Variants in PPFIA2 observed in about 807,000 individuals in gnomAD.
PPFIA2 encodes liprin-alpha-2.
PPFIA2 carries 46 observed loss-of-function variants against 175.5 expected under a neutral mutation model. That is an observed-to-expected ratio of 0.26 (90% CI 0.21 to 0.34). The LOEUF (loss-of-function observed/expected upper bound fraction) is 0.34. Ranked by LOEUF, PPFIA2 falls within the 10% of genes least tolerant of loss-of-function variation. The probability of loss-of-function intolerance (pLI) is 1.00; values close to 1 mark genes in which losing one functional copy is unlikely to be tolerated. For synonymous variants in PPFIA2, 568 were observed against 511.4 expected (o/e 1.11, Z -1.49); for missense variants, 1,179 against 1,506.1 (o/e 0.78, Z 3.60).
At chr12:81,414,655 C>G (rs1231545425) in intron 7 of PPFIA2, among the ~76,000 whole-genome samples, 1 of 151,550 alleles carries the variant, frequency 6.6e-6, no homozygotes, top group East Asian at 1.9e-4. Flanking sequence ...CAGGGTGACA[C>G]TTATTGAAGT....
At chr12:81,369,252 C>G (rs556653113) in intron 11 of PPFIA2, 58 bp from the exon 12 acceptor site, 1 of 1,572,740 alleles carries the variant, frequency 6.4e-7, no homozygotes, top group South Asian at 1.2e-5. Context: ...CACTTTTCCT[C>G]TAAATAAATT....
intron 4 of PPFIA2, among the ~76,000 whole-genome samples, chr12:81,474,010 T>G: frequency 6.6e-6 from 1 of 152,152 alleles, no homozygotes; most frequent in East Asian, 1.9e-4. Flanking sequence ...ACATTTTTCT[T>G]TAACAATATA....
chr12:81,660,091 T>C (rs992376896), intron 4 of PPFIA2, among the ~76,000 whole-genome samples: 2 of 151,748 alleles, frequency 1.3e-5, no homozygotes, highest in Non-Finnish European at 2.9e-5. Context: ...ACCACAAAGA[T>C]GGGGAAAAAA....
intron 8 of PPFIA2, among the ~76,000 whole-genome samples, chr12:81,397,746 C>T (rs971295817): frequency 6.6e-6 from 1 of 152,038 alleles, no homozygotes; most frequent in African/African-American, 2.4e-5. Context: ...TGGGACCAGA[C>T]TTCTCAGTAG....
At chr12:81,607,981 C>T (rs1340345978) in intron 4 of PPFIA2, among the ~76,000 whole-genome samples, 1 of 151,830 alleles carries the variant, frequency 6.6e-6, no homozygotes, top group Admixed American at 6.6e-5. Flanking sequence ...GATGCCTAGT[C>T]TGTTGGGGGT....
chr12:81,609,602 C>CT (rs974402870), intron 4 of PPFIA2, among the ~76,000 whole-genome samples: 1 of 152,054 alleles, frequency 6.6e-6, no homozygotes, highest in East Asian at 1.9e-4. Flanking sequence ...GACGCTTTCT[C>CT]TTTTTTGTTT....
At chr12:81,526,322 T>C (rs1053288834) in intron 4 of PPFIA2, among the ~76,000 whole-genome samples, 1 of 152,172 alleles carries the variant, frequency 6.6e-6, no homozygotes, top group African/African-American at 2.4e-5. Context: ...TGCAGGCCAA[T>C]TTGTGGCTGT....
chr12:81,638,455 A>G (rs1254419444), intron 4 of PPFIA2, among the ~76,000 whole-genome samples: 1 of 152,014 alleles, frequency 6.6e-6, no homozygotes, highest in Non-Finnish European at 1.5e-5. Flanking sequence ...ATTGATAATT[A>G]TTATAGCTAC....
chr12:81,517,751 C>G lies in PPFIA2; in HGVS notation c.304-59885G>C, dbSNP rs11114904. On this transcript the variant is annotated intron_variant, in intron 4 of 32. Coordinates refer to ENST00000549396, the MANE Select transcript of PPFIA2 (RefSeq NM_003625.5). Reference sequence around the variant, plus strand: ...CTATACTCACCAAATAACACAGAAACGTTGGTTAGTTATGAAACTCTCTTA... The same window carrying G: ...CTATACTCACCAAATAACACAGAAAGGTTGGTTAGTTATGAAACTCTCTTA... Among the ~76,000 whole-genome samples, 131 of 152,170 alleles carry G rather than the reference C, an allele frequency of 8.6e-4. 1 individual carries two copies. The highest frequency in any genetic ancestry group is 3.0e-3 in the African/African-American group (124 of 41,530).
At position 81,748,615 on chromosome 12, in the gene PPFIA2, C is replaced by G. The variant is rs1008758816; in HGVS notation, c.249+5358G>C. ...CAGACAACAGCCAATTGACATAAAG[C>G]TGACACAGCCAACCTTCAGCTAGCC... On this transcript the variant is annotated intron_variant, in intron 3 of 32. Coordinates refer to ENST00000549396, the MANE Select transcript of PPFIA2 (RefSeq NM_003625.5). Among the ~76,000 whole-genome samples, 10 of 144,750 alleles carry G rather than the reference C, an allele frequency of 6.9e-5. 1 individual carries two copies. Among genetic ancestry groups the G allele is most frequent in the Admixed American group, 5.8e-4 (8 of 13,766 alleles). 95.0% of individuals were successfully genotyped at this position (144,750 alleles called of 152,430 possible).
intron 7 of PPFIA2, among the ~76,000 whole-genome samples, chr12:81,425,677 A>G (rs1411655447): frequency 6.6e-6 from 1 of 152,078 alleles, no homozygotes; most frequent in Non-Finnish European, 1.5e-5. Flanking sequence ...CCCAGCCCCT[A>G]CAGTATTATT....
intron 3 of PPFIA2, among the ~76,000 whole-genome samples, chr12:81,736,249 A>G (rs576187745): frequency 3.3e-5 from 5 of 152,134 alleles, no homozygotes; most frequent in African/African-American, 1.2e-4. Context: ...AGTCTTCACT[A>G]TACAAGCCTT....
At chr12:81,308,080 T>C in intron 22 of PPFIA2, among the ~76,000 whole-genome samples, 1 of 152,324 alleles carries the variant, frequency 6.6e-6, no homozygotes, top group South Asian at 2.1e-4. Context: ...CACTTAAAAT[T>C]TAAAATGTAA....
chr12:81,347,944 T>C (rs2059349976), intron 17 of PPFIA2, among the ~76,000 whole-genome samples, 174 bp from the exon 18 acceptor site: 1 of 152,122 alleles, frequency 6.6e-6, no homozygotes, highest in Non-Finnish European at 1.5e-5. Context: ...TAACTTGCAG[T>C]AAATTCCAGG....
At chr12:81,347,510 G>A in intron 18 of PPFIA2, 23 bp downstream of exon 18, 3 of 1,558,256 alleles carry the variant, frequency 1.9e-6, no homozygotes, top group Non-Finnish European at 2.7e-6. Context: ...GGAGGCAAAG[G>A]TTCTCTGGAC....
At chr12:81,519,199 T>C (rs2062817859) in intron 4 of PPFIA2, among the ~76,000 whole-genome samples, 1 of 152,188 alleles carries the variant, frequency 6.6e-6, no homozygotes, top group Non-Finnish European at 1.5e-5. Flanking sequence ...GATAACTAAT[T>C]GAATAAACTC....
At chr12:81,649,988 T>C (rs1227779819) in intron 4 of PPFIA2, among the ~76,000 whole-genome samples, 2 of 152,072 alleles carry the variant, frequency 1.3e-5, no homozygotes, top group African/African-American at 4.8e-5. Flanking sequence ...TTTTCAAAAC[T>C]AATCAAATTA....
chr12:81,259,746 G>A (rs528664930), intron 32 of PPFIA2, 86 bp from the exon 33 acceptor site: 78 of 1,183,314 alleles, frequency 6.6e-5, no homozygotes, highest in Non-Finnish European at 8.5e-5. Flanking sequence ...GTACCTCCAC[G>A]CAGCCTGCTT....
chr12:81,409,550 A>G (rs1592545289), intron 7 of PPFIA2, among the ~76,000 whole-genome samples: 1 of 152,172 alleles, frequency 6.6e-6, no homozygotes, highest in South Asian at 2.1e-4. Flanking sequence ...CCATCCCTCT[A>G]CTATGGGATA....
Sources: gnomAD v4.1 joint callset for allele counts (sites outside exome capture counted in the v4.1 genomes callset) on GRCh38, gnomAD v4.1.1 for gene constraint, MANE v1.5 for transcripts, NCBI Gene and HGNC (gene_info 2026-07-23, HGNC 2026-07-21) for gene names.